The following NXN variants were observed in gnomAD, a reference collection of about 807,000 sequenced individuals.
NXN encodes nucleoredoxin.
Under a neutral mutation model 48.6 loss-of-function variants are expected in NXN, and 16 were observed. The observed-to-expected ratio is 0.33, with a 90% CI of 0.22 to 0.50. The LOEUF (loss-of-function observed/expected upper bound fraction) is 0.50. Ranked by LOEUF, NXN falls within the 20% of genes least tolerant of loss-of-function variation. NXN has a pLI of 0.98. For synonymous variants in NXN, 281 were observed against 269.6 expected (o/e 1.04, Z -0.41); for missense variants, 492 against 605.5 (o/e 0.81, Z 1.97).
chr17:815,347 C>G (rs1244550017), intron 5 of NXN, among the ~76,000 whole-genome samples: 2 of 150,954 alleles, frequency 1.3e-5, no homozygotes, highest in Admixed American at 6.6e-5. Context: ...CTCTAGATCC[C>G]TAAGCTCTGT....
intron 1 of NXN, among the ~76,000 whole-genome samples, chr17:826,839 G>T (rs964248550): frequency 6.6e-6 from 1 of 152,212 alleles, no homozygotes; most frequent in Admixed American, 6.5e-5. Context: ...TCAGATTCTT[G>T]AGGTTGGCTG....
rs571601948 is a variant in NXN at position 853,702 on chromosome 17, CATATAT to C, written c.361-27630_361-27625del. 3.3e-4 allele frequency among the ~76,000 whole-genome samples: 39 copies of C among 119,302 alleles called. 1 individual carries two copies. The highest frequency in any genetic ancestry group is 1.8e-3 in the South Asian group (7 of 3,828). The allele number at this position is 119,302 out of a possible 152,430, so 78.3% of individuals were successfully genotyped here. On this transcript the variant is annotated intron_variant, in intron 1 of 7. Transcript: ENST00000336868. ...TACTTCTCACTATTTCTGTTATACA[CATATAT>C]ATATATATATATATATTTTTTTTTT...
intron 1 of NXN, among the ~76,000 whole-genome samples, chr17:964,914 T>C (rs1399233983): frequency 6.6e-6 from 1 of 152,120 alleles, no homozygotes; most frequent in Admixed American, 6.6e-5. Flanking sequence ...ACGGAGAGAA[T>C]GGTATTAAGA....
At chr17:937,510 A>G (rs948272906) in intron 1 of NXN, among the ~76,000 whole-genome samples, 4 of 152,166 alleles carry the variant, frequency 2.6e-5, no homozygotes, top group African/African-American at 9.7e-5. Context: ...AAAGGAGGGA[A>G]AAGCCAAAAC....
rs1006089402 is a variant in NXN, at chr17:979,774, A to C, written c.-96T>G. On this transcript the variant is annotated 5_prime_UTR_variant, in exon 1 of 8. Coordinates refer to ENST00000336868, the MANE Select transcript of NXN (RefSeq NM_022463.5). ...GGCGTCGGCGGCAGGCGCTGGGGAG[A>C]GCAGAGCCCGGCCCAGTAGGGCCGC... is the stretch of plus-strand genomic sequence containing the variant. The C allele has an allele frequency of 9.4e-7, 1 of 1,062,014 alleles. No homozygotes were observed. The highest frequency in any genetic ancestry group is 1.7e-5 in the African/African-American group (1 of 58,998). 65.8% of individuals were successfully genotyped at this position (1,062,014 alleles called of 1,614,324 possible).
chr17:870,258 C>T (rs34124425), intron 1 of NXN, among the ~76,000 whole-genome samples: 6,137 of 152,192 alleles, frequency 0.04, 181 homozygotes, highest in Non-Finnish European at 0.064. Context: ...GAATGCAGGA[C>T]GTGGATTAGA....
At chr17:959,218 C>T in intron 1 of NXN, 1 of 1,028,108 alleles carries the variant, frequency 9.7e-7, no homozygotes, top group Admixed American at 3.2e-5. Context: ...TGTCAGCAGA[C>T]AGGCCTGCAG....
Position 806,135 on chromosome 17 carries a change from C to A in NXN, c.821-888G>T, listed in dbSNP as rs937535145. Among the ~76,000 whole-genome samples the A allele has an allele frequency of 3.8e-3, 531 of 138,634 alleles. 1 individual carries two copies. The highest frequency in any genetic ancestry group is 0.014 in the African/African-American group (488 of 35,352). 90.9% of individuals were successfully genotyped at this position (138,634 alleles called of 152,430 possible). ...CAGCCCCCGCCGTCTGCACCCCAGC[C>A]CTCCCCGCTCCCCAGGGCTGCAGCC... On this transcript the variant is annotated intron_variant, in intron 5 of 7. Coordinates refer to ENST00000336868, the MANE Select transcript of NXN (RefSeq NM_022463.5).
chr17:843,889 C>T (rs922187173), intron 1 of NXN, among the ~76,000 whole-genome samples: 2 of 152,220 alleles, frequency 1.3e-5, no homozygotes, highest in Non-Finnish European at 2.9e-5. Context: ...AACGTTTTCA[C>T]TCCAGATCTT....
intron 1 of NXN, among the ~76,000 whole-genome samples, chr17:948,672 C>T (rs2069073060): frequency 6.6e-6 from 1 of 152,006 alleles, no homozygotes; most frequent in African/African-American, 2.4e-5. Flanking sequence ...TGAGGCAAAA[C>T]CTAAGACAGC....
chr17:955,856 T>C (rs563157755), intron 1 of NXN, among the ~76,000 whole-genome samples: 7 of 151,120 alleles, frequency 4.6e-5, no homozygotes, highest in East Asian at 4.0e-4. Context: ...GAGCCGAGAT[T>C]GTGCCACTGC....
intron 1 of NXN, among the ~76,000 whole-genome samples, chr17:871,152 T>C (rs1014406197): frequency 1.4e-4 from 21 of 151,770 alleles, no homozygotes; most frequent in East Asian, 5.9e-4. Flanking sequence ...TGAGCCACCG[T>C]GCCCGGCTAT....
chr17:910,208 C>T (rs1171557375), intron 1 of NXN, among the ~76,000 whole-genome samples: 1 of 151,998 alleles, frequency 6.6e-6, no homozygotes, highest in African/African-American at 2.4e-5. Flanking sequence ...GACCAGGAGA[C>T]GGAGACCAGC....
Position 800,834 on chromosome 17 carries a change from TG to T in NXN, c.*114del. The T allele has an allele frequency of 1.6e-6, 1 of 613,132 alleles. No individual in the cohort carries two copies. Among genetic ancestry groups the T allele is most frequent in the Non-Finnish European group, 2.5e-6 (1 of 405,428 alleles). 38.0% of individuals were successfully genotyped at this position (613,132 alleles called of 1,614,324 possible). A position where few individuals can be genotyped will look rare whatever the true frequency, so the allele number is the denominator to read the frequency against. ...CAGAAACAAGGCACCACAGAGAGGC[TG>T]GACACTTGGGTGGTGGGATTCGGGG... On this transcript the variant is annotated 3_prime_UTR_variant, in exon 8 of 8. Transcript: ENST00000336868.
At chr17:940,921 G>A (rs879063813) in intron 1 of NXN, among the ~76,000 whole-genome samples, 2 of 148,482 alleles carry the variant, frequency 1.3e-5, no homozygotes, top group African/African-American at 2.6e-5. Context: ...AGATTCCAGG[G>A]TGCAGCCATG....
At chr17:872,680 G>A (rs1463116525) in intron 1 of NXN, among the ~76,000 whole-genome samples, 1 of 143,864 alleles carries the variant, frequency 7.0e-6, no homozygotes, top group Non-Finnish European at 1.5e-5. Context: ...GAGTGTGATG[G>A]TGCAATCTCA....
intron 4 of NXN, among the ~76,000 whole-genome samples, chr17:820,435 C>A (rs1453525086): frequency 1.5e-5 from 2 of 137,798 alleles, no homozygotes; most frequent in Non-Finnish European, 3.1e-5. Context: ...CACGGTGAAA[C>A]CCCATCTCTA....
At chr17:847,151 T>A (rs1597659429) in intron 1 of NXN, among the ~76,000 whole-genome samples, 1 of 151,650 alleles carries the variant, frequency 6.6e-6, no homozygotes, top group Non-Finnish European at 1.5e-5. Flanking sequence ...TCCGTACCTG[T>A]CCCCCCGCGG....
intron 5 of NXN, chr17:819,234 C>A (rs958129174): frequency 1.0e-5 from 6 of 583,618 alleles, no homozygotes; most frequent in Middle Eastern, 4.7e-4. Flanking sequence ...GTGTGAGCTG[C>A]CATGCCCGGC....
Sources: allele counts gnomAD v4.1 joint callset (sites outside exome capture counted in the v4.1 genomes callset), GRCh38; gene constraint gnomAD v4.1.1; transcripts MANE v1.5; gene names NCBI Gene and HGNC (gene_info 2026-07-23, HGNC 2026-07-21).